Variants in TRPC7 observed in about 807,000 individuals in gnomAD.
The protein encoded by TRPC7 is transient receptor potential cation channel subfamily C member 7.
In TRPC7, 42 loss-of-function variants were observed where a neutral mutation model predicts 90.1. The observed-to-expected ratio is 0.47, with a 90% CI of 0.36 to 0.60. The LOEUF is 0.60. TRPC7 is among the 20% of genes least tolerant of loss of function. The pLI is 0.00. For missense variants in TRPC7, 955 were observed against 1,112.3 expected (o/e 0.86, Z 2.01); for synonymous variants, 451 against 436.3 (o/e 1.03, Z -0.42).
At chr5:136,313,045 G>A (rs1758887213) in intron 3 of TRPC7, among the ~76,000 whole-genome samples, 1 of 137,298 alleles carries the variant, frequency 7.3e-6, no homozygotes, top group Non-Finnish European at 1.5e-5. Context: ...TCAAACTCTT[G>A]GCATCAAGCA....
intron 2 of TRPC7, among the ~76,000 whole-genome samples, chr5:136,339,951 G>T (rs1759791392): frequency 7.0e-6 from 1 of 143,024 alleles, no homozygotes; most frequent in Admixed American, 7.5e-5. Flanking sequence ...TACTAGAAGA[G>T]AACTCAGGTG....
intron 2 of TRPC7, among the ~76,000 whole-genome samples, chr5:136,353,543 T>C (rs3777154): frequency 0.31 from 46,990 of 152,060 alleles, 7,945 homozygotes; most frequent in Admixed American, 0.42. Flanking sequence ...TCTCTTGCTC[T>C]TTATTTTCTT....
At chr5:136,342,114 T>A (rs141660652) in intron 2 of TRPC7, among the ~76,000 whole-genome samples, 1 of 152,210 alleles carries the variant, frequency 6.6e-6, no homozygotes, top group Non-Finnish European at 1.5e-5. Flanking sequence ...TAACCCCTAA[T>A]GTGTAATTTT....
chr5:136,317,326 A>G (rs1466444189), intron 2 of TRPC7, among the ~76,000 whole-genome samples: 2 of 152,194 alleles, frequency 1.3e-5, no homozygotes, highest in African/African-American at 4.8e-5. Flanking sequence ...TCATTCATTC[A>G]TTCATCACTG....
At position 136,251,833 on chromosome 5, in the gene TRPC7, C is replaced by A; in HGVS notation, c.1395G>T (p.Glu465Asp). The A allele has an allele frequency of 6.2e-7, 1 of 1,614,030 alleles. No homozygotes were observed. The highest frequency in any genetic ancestry group is 8.5e-7 in the Non-Finnish European group (1 of 1,179,892). Residue 465 changes from glutamate (E) to aspartate (D), a missense_variant, in exon 6 of 12, where the codon GAG (glutamate) becomes GAT (aspartate). By Grantham distance (45) the Glu-to-Asp change is conservative. Transcript: ENST00000513104. ...CKEIWEEGPR[E>D]YVLHLWNLLD... ...GCAGGTTCCACAAGTGCAGCACGTA[C>A]TCCCGTGGCCCCTCCTCCCAGATTT...
chr5:136,218,836 T>G (rs541674296), intron 10 of TRPC7, among the ~76,000 whole-genome samples: 1 of 152,280 alleles, frequency 6.6e-6, no homozygotes, highest in African/African-American at 2.4e-5. Context: ...CTCATAAAAG[T>G]GATCTTACTG....
intron 5 of TRPC7, among the ~76,000 whole-genome samples, chr5:136,254,322 G>A (rs1756619843): frequency 6.6e-6 from 1 of 152,194 alleles, no homozygotes; most frequent in South Asian, 2.1e-4. Context: ...GTAGACATCA[G>A]TGCCTGGTTT....
At chr5:136,225,180 G>C (rs770483179) in intron 10 of TRPC7, 94 bp downstream of exon 10, 13 of 1,104,692 alleles carry the variant, frequency 1.2e-5, no homozygotes, top group Middle Eastern at 2.0e-4. Flanking sequence ...ATGAAGCTGT[G>C]TTCTCGGGGG....
At chr5:136,339,406 A>C (rs1408734255) in intron 2 of TRPC7, among the ~76,000 whole-genome samples, 1 of 152,228 alleles carries the variant, frequency 6.6e-6, no homozygotes, top group African/African-American at 2.4e-5. Context: ...AATTCTAACC[A>C]GTCATTGTTT....
At chr5:136,266,495 CT>C in intron 4 of TRPC7, 59 bp from the exon 5 acceptor site, 1 of 1,442,606 alleles carries the variant, frequency 6.9e-7, no homozygotes, top group Non-Finnish European at 9.5e-7. Flanking sequence ...GTAGGTCTTT[CT>C]TTATAACATC....
intron 3 of TRPC7, among the ~76,000 whole-genome samples, chr5:136,302,794 G>A (rs779594816): frequency 1.4e-4 from 21 of 152,074 alleles, no homozygotes; most frequent in Non-Finnish European, 2.5e-4. Flanking sequence ...ATGGTCTGAG[G>A]TGCCTGACGT....
intron 10 of TRPC7, among the ~76,000 whole-genome samples, chr5:136,221,487 T>C (rs1199232665): frequency 6.6e-6 from 1 of 152,142 alleles, no homozygotes; most frequent in Non-Finnish European, 1.5e-5. Flanking sequence ...AGGACATCTT[T>C]CTATGGGAGA....
chr5:136,312,772 A>G (rs966526722), intron 3 of TRPC7, among the ~76,000 whole-genome samples: 1 of 152,170 alleles, frequency 6.6e-6, no homozygotes, highest in Non-Finnish European at 1.5e-5. Context: ...TCAAACATTC[A>G]TATGAGAGAC....
intron 3 of TRPC7, among the ~76,000 whole-genome samples, chr5:136,315,045 C>G (rs1286352786): frequency 6.6e-6 from 1 of 152,290 alleles, no homozygotes; most frequent in Non-Finnish European, 1.5e-5. Context: ...GAGGAGGTGG[C>G]ATGAGTTTAC....
rs933865376 is a variant in TRPC7 at position 136,365,288 on chromosome 5, A to G, written c.-34T>C. Reference sequence around the variant, plus strand: ...TAATACGCAGGCTTGTTCCTCCTCTAGATGACCGGAATCCGGTGTTGAGTC... The same window carrying G: ...TAATACGCAGGCTTGTTCCTCCTCTGGATGACCGGAATCCGGTGTTGAGTC... On this transcript the variant is annotated 5_prime_UTR_variant, in exon 1 of 12. An upstream open reading frame in the 5' UTR loses its in-frame stop. Coordinates refer to ENST00000513104, the MANE Select transcript of TRPC7 (RefSeq NM_020389.3). The G allele has an allele frequency of 6.5e-7, 1 of 1,537,070 alleles. No homozygotes were observed. Among genetic ancestry groups the G allele is most frequent in the Non-Finnish European group, 8.7e-7 (1 of 1,146,780 alleles).
rs2149790639 is a variant in TRPC7 at position 136,213,369 on chromosome 5, T to C, written c.*66A>G. The C allele has an allele frequency of 1.9e-6, 3 of 1,556,294 alleles. No homozygotes were observed. Among genetic ancestry groups the C allele is most frequent in the Middle Eastern group, 3.9e-4 (2 of 5,076 alleles). On this transcript the variant is annotated 3_prime_UTR_variant, in exon 12 of 12. Transcript: ENST00000513104. ...GCTGGGGACCCCTCCCCACCAAGGATGGGGGCGAGGGCATCCAACCTGGCC... is the reference window on the plus strand; with the variant it reads ...GCTGGGGACCCCTCCCCACCAAGGACGGGGGCGAGGGCATCCAACCTGGCC...
chr5:136,251,626 A>T, intron 6 of TRPC7, 23 bp downstream of exon 6: 1 of 1,557,890 alleles, frequency 6.4e-7, no homozygotes, highest in Non-Finnish European at 8.8e-7. Context: ...AAAATGGAGT[A>T]GGGGAAGCAC....
rs748884392 is a variant in TRPC7 at position 136,286,959 on chromosome 5, ACT to A, written c.964-12124_964-12123del. ...TGACCATCTGAAATCTGGCTCTTAAACTCTGCTGAAATTACTGTCTCAAAATC... is the reference window on the plus strand; with the variant it reads ...TGACCATCTGAAATCTGGCTCTTAAACTGCTGAAATTACTGTCTCAAAATC... On this transcript the variant is annotated intron_variant, in intron 3 of 11. Transcript: ENST00000513104. 9.5e-4 allele frequency among the ~76,000 whole-genome samples: 144 copies of A among 152,048 alleles called. 3 individuals are homozygous for A. Among genetic ancestry groups the A allele is most frequent in the Non-Finnish European group, 1.7e-3 (118 of 67,996 alleles).
At chr5:136,229,918 T>G (rs115914558) in intron 8 of TRPC7, among the ~76,000 whole-genome samples, 1,608 of 152,356 alleles carry the variant, frequency 0.011, 16 homozygotes, top group Non-Finnish European at 0.018. Flanking sequence ...TCCTTGGAGT[T>G]CTTCTCTATG....
Sources: allele counts gnomAD v4.1 joint callset (sites outside exome capture counted in the v4.1 genomes callset), GRCh38; gene constraint gnomAD v4.1.1; transcripts MANE v1.5; gene names NCBI Gene and HGNC (gene_info 2026-07-23, HGNC 2026-07-21).